Variants in NF1 observed in about 807,000 individuals in gnomAD.
The protein encoded by NF1 is neurofibromin 1.
In NF1, 122 loss-of-function variants were observed where a neutral mutation model predicts 325.7. The observed-to-expected ratio is 0.37, with a 90% CI of 0.32 to 0.44. The LOEUF is 0.44. NF1 is among the 20% of genes least tolerant of loss of function. The pLI, the probability that NF1 is intolerant of heterozygous loss-of-function variation, is 1.00. For synonymous variants in NF1, 1,091 were observed against 1,186.0 expected (o/e 0.92, Z 1.65); for missense variants, 2,140 against 3,415.4 (o/e 0.63, Z 9.31).
At chr17:31,305,165 G>C (rs771198366) in intron 36 of NF1, 1 of 1,614,178 alleles carries the variant, frequency 6.2e-7, no homozygotes. Context: ...GATGATGATT[G>C]TTGAGTAAAA....
chr17:31,327,239 G>A (rs937451985), intron 37 of NF1, among the ~76,000 whole-genome samples: 3 of 152,160 alleles, frequency 2.0e-5, no homozygotes, highest in African/African-American at 7.2e-5. Flanking sequence ...TGGGATTACA[G>A]GGATGAGCCA....
At chr17:31,209,997 A>T (rs987351626) in intron 12 of NF1, among the ~76,000 whole-genome samples, 1 of 152,148 alleles carries the variant, frequency 6.6e-6, no homozygotes, top group African/African-American at 2.4e-5. Context: ...GTCTGTTTTT[A>T]TAGCTAAAGA....
chr17:31,168,119 A>G (rs2065874218), intron 4 of NF1, among the ~76,000 whole-genome samples: 1 of 152,208 alleles, frequency 6.6e-6, no homozygotes, highest in Non-Finnish European at 1.5e-5. Flanking sequence ...TTTTACTTGT[A>G]ATTGGAAATA....
chr17:31,210,185 C>T (rs1483604670), intron 12 of NF1, among the ~76,000 whole-genome samples: 1 of 152,208 alleles, frequency 6.6e-6, no homozygotes, highest in Non-Finnish European at 1.5e-5. Context: ...GCTTAATCAA[C>T]ACTGAATCCC....
At position 31,366,922 on chromosome 17, in the gene NF1, G is replaced by A. The variant is rs188460661; in HGVS notation, c.8377+6219G>A. 6.1e-3 allele frequency among the ~76,000 whole-genome samples: 920 copies of A among 152,010 alleles called. 3 individuals are homozygous for A. Among genetic ancestry groups the A allele is most frequent in the Non-Finnish European group, 0.01 (705 of 67,984 alleles). On this transcript the variant is annotated intron_variant, in intron 57 of 57. Transcript: ENST00000358273. The stretch of plus-strand genomic sequence containing the variant: ...GGAGAAAAATAATTTTAAATTGAGC[G>A]ATTTCTTGGTATAATTCTTGCTAAT...
chr17:31,180,327 C>T (rs1390395711), intron 5 of NF1, among the ~76,000 whole-genome samples: 3 of 152,156 alleles, frequency 2.0e-5, no homozygotes, highest in African/African-American at 4.8e-5. Context: ...TGATGAACAT[C>T]GATGCAAAAA....
intron 1 of NF1, among the ~76,000 whole-genome samples, chr17:31,108,985 G>A (rs1913155963): frequency 6.6e-6 from 1 of 152,176 alleles, no homozygotes; most frequent in Non-Finnish European, 1.5e-5. Context: ...AAACTCAAAA[G>A]CAAAAGTGCT....
chr17:31,292,469 A>G (rs1417905466), intron 36 of NF1, among the ~76,000 whole-genome samples: 1 of 152,034 alleles, frequency 6.6e-6, no homozygotes, highest in Non-Finnish European at 1.5e-5. Context: ...CCCTGTGTAT[A>G]CCAAAATTTG....
At chr17:31,223,332 C>A in intron 15 of NF1, 112 bp from the exon 16 acceptor site, 1 of 1,293,332 alleles carries the variant, frequency 7.7e-7, no homozygotes, top group South Asian at 1.2e-5. Context: ...ACAAGAAAAA[C>A]TAAGCTTCTC....
In NF1 at chr17:31,229,810, A is replaced by G. The variant is rs1401402416; in HGVS notation, c.2851-25A>G. 3.1e-6 allele frequency: 5 copies of G among 1,611,382 alleles called. No homozygotes were observed. In the Admixed American group the frequency reaches 8.3e-5, roughly 27 times the overall value. ...GTCTTCTGGGCATTGATGGCAAATC[A>G]TTAATGTATTTGTTCTTTCTTTAGG... On this transcript the variant is annotated intron_variant, in intron 21 of 57. Transcript: ENST00000358273.
intron 1 of NF1, among the ~76,000 whole-genome samples, chr17:31,099,784 C>G (rs1211864667): frequency 6.6e-6 from 1 of 152,096 alleles, no homozygotes; most frequent in Non-Finnish European, 1.5e-5. Context: ...TGGTCTCCAA[C>G]TCCTGGCTTC....
intron 29 of NF1, among the ~76,000 whole-genome samples, chr17:31,236,588 C>T (rs1167344589): frequency 7.9e-5 from 12 of 151,130 alleles, no homozygotes; most frequent in East Asian, 1.9e-4. Context: ...TACAGGTGTG[C>T]GCCACCACGC....
intron 36 of NF1, chr17:31,304,514 GAGGAGAT>G (rs746430219): frequency 1.2e-6 from 2 of 1,614,176 alleles, no homozygotes; most frequent in Non-Finnish European, 1.7e-6. Context: ...TCATTTGGAA[GAGGAGAT>G]ACAATTGTCA....
intron 5 of NF1, among the ~76,000 whole-genome samples, chr17:31,178,040 A>G (rs2066055923): frequency 1.3e-5 from 2 of 152,150 alleles, no homozygotes; most frequent in South Asian, 4.1e-4. Context: ...AATCCTCGAG[A>G]AGAGCAACCC....
rs1317078644 is a variant in NF1, at chr17:31,139,970, T to G, written c.61-16013T>G. On this transcript the variant is annotated intron_variant, in intron 1 of 57. Coordinates refer to ENST00000358273, the MANE Select transcript of NF1 (RefSeq NM_001042492.3). ...GACAACAGTTAGAAGCATACTGCCC[T>G]AAGCAGTAAAAAGGTGATTGTTGAG... 2.6e-5 allele frequency among the ~76,000 whole-genome samples: 4 copies of G among 152,200 alleles called. No homozygotes were observed. The East Asian group carries it at 7.7e-4, about 29-fold the overall frequency.
chr17:31,105,927 A>G (rs1207587435), intron 1 of NF1, among the ~76,000 whole-genome samples: 3 of 152,362 alleles, frequency 2.0e-5, no homozygotes, highest in South Asian at 4.1e-4. Context: ...AATTTAGTAA[A>G]TAGCAGGACT....
At chr17:31,127,593 CTTTT>C (rs199556341) in intron 1 of NF1, among the ~76,000 whole-genome samples, 1 of 140,000 alleles carries the variant, frequency 7.1e-6, no homozygotes, top group Non-Finnish European at 1.6e-5. Flanking sequence ...TGTCTTTATA[CTTTT>C]TTTTTTTTTT....
At chr17:31,329,652 A>G (rs942359705) in intron 38 of NF1, among the ~76,000 whole-genome samples, 2 of 152,142 alleles carry the variant, frequency 1.3e-5, no homozygotes, top group Non-Finnish European at 2.9e-5. Flanking sequence ...TGAAACCTGG[A>G]TATTATAGTT....
At chr17:31,164,297 T>C (rs538945016) in intron 4 of NF1, among the ~76,000 whole-genome samples, 9 of 152,342 alleles carry the variant, frequency 5.9e-5, no homozygotes, top group African/African-American at 1.7e-4. Context: ...TATTGATGAC[T>C]CAAAATCATC....
Sources: gnomAD v4.1 joint callset for allele counts (sites outside exome capture counted in the v4.1 genomes callset) on GRCh38, gnomAD v4.1.1 for gene constraint, MANE v1.5 for transcripts, NCBI Gene and HGNC (gene_info 2026-07-23, HGNC 2026-07-21) for gene names.